Variants in THSD7B observed in about 807,000 individuals in gnomAD.
The protein encoded by THSD7B is thrombospondin type-1 domain-containing protein 7B.
THSD7B carries 138 observed loss-of-function variants against 213.6 expected under a neutral mutation model. The observed-to-expected ratio is 0.65, with a 90% CI of 0.56 to 0.74. The LOEUF (loss-of-function observed/expected upper bound fraction) is 0.74. Ranked by LOEUF, THSD7B falls within the 30% of genes least tolerant of loss-of-function variation. The pLI is 0.00. For missense variants in THSD7B, 1,931 were observed against 1,991.5 expected, an observed-to-expected ratio of 0.97 and a Z score of 0.58; for synonymous variants, 742 against 687.0, an observed-to-expected ratio of 1.08 and a Z score of -1.25.
intron 12 of THSD7B, among the ~76,000 whole-genome samples, chr2:137,391,908 T>C (rs1686036700): frequency 6.6e-6 from 1 of 152,186 alleles, no homozygotes; most frequent in South Asian, 2.1e-4. Flanking sequence ...TTAGCACTAC[T>C]TTTGCTGTAC....
At chr2:136,888,916 A>G (rs1455073266) in intron 2 of THSD7B, among the ~76,000 whole-genome samples, 2 of 150,250 alleles carry the variant, frequency 1.3e-5, no homozygotes, top group Non-Finnish European at 3.0e-5. Context: ...CCAGCACATT[A>G]AATAAAATAA....
intron 15 of THSD7B, among the ~76,000 whole-genome samples, chr2:137,452,914 T>C (rs1028074944): frequency 3.9e-5 from 6 of 152,184 alleles, no homozygotes; most frequent in African/African-American, 1.4e-4. Flanking sequence ...TAAATCAAAG[T>C]TCAAGAATAA....
intron 2 of THSD7B, among the ~76,000 whole-genome samples, chr2:136,981,141 G>A (rs1573747582): frequency 6.6e-6 from 1 of 152,140 alleles, no homozygotes; most frequent in Non-Finnish European, 1.5e-5. Flanking sequence ...AAGAGTGAAT[G>A]TAACTTTCTT....
intron 21 of THSD7B, among the ~76,000 whole-genome samples, chr2:137,649,550 C>T (rs1310422581): frequency 6.6e-6 from 1 of 152,174 alleles, no homozygotes; most frequent in African/African-American, 2.4e-5. Context: ...TTCCCCACTG[C>T]ATGTTCTTGG....
At chr2:136,788,417 A>G (rs1462060427) in intron 1 of THSD7B, among the ~76,000 whole-genome samples, 1 of 152,194 alleles carries the variant, frequency 6.6e-6, no homozygotes, top group Non-Finnish European at 1.5e-5. Context: ...AGTTATTCAA[A>G]TTGCAGTGCC....
chr2:137,383,660 G>A (rs1233312807), intron 12 of THSD7B, among the ~76,000 whole-genome samples: 1 of 152,146 alleles, frequency 6.6e-6, no homozygotes, highest in Admixed American at 6.5e-5. Flanking sequence ...AGCCACTATT[G>A]CCTGTAAAAT....
chr2:137,080,409 T>A (rs80305441), intron 3 of THSD7B, among the ~76,000 whole-genome samples: 12,824 of 146,654 alleles, frequency 0.087, 662 homozygotes, highest in East Asian at 0.17. Context: ...AGACAGGGTT[T>A]CACCATGTTG....
rs911641602 is a variant in THSD7B at position 136,809,458 on chromosome 2, G to A, written c.-36+43771G>A. Among the ~76,000 whole-genome samples, 4 of 152,154 alleles carry A rather than the reference G, an allele frequency of 2.6e-5. 1 individual carries two copies. In the South Asian group the frequency reaches 6.2e-4, roughly 24 times the overall value. ...TAGGAGCTTGGTCTTGTTGAAGTTG[G>A]TAGACTTCAACCAAATTTAATGTGC... is the stretch of plus-strand genomic sequence containing the variant. On this transcript the variant is annotated intron_variant, in intron 1 of 27. Transcript: ENST00000409968.
chr2:137,392,441 C>CAT (rs1419309868), intron 12 of THSD7B, among the ~76,000 whole-genome samples: 18 of 152,070 alleles, frequency 1.2e-4, no homozygotes, highest in African/African-American at 4.3e-4. Context: ...GTGTTGGGTA[C>CAT]ATATATATCT....
chr2:137,245,371 G>C (rs1445116401), intron 10 of THSD7B, among the ~76,000 whole-genome samples: 1 of 152,156 alleles, frequency 6.6e-6, no homozygotes, highest in Non-Finnish European at 1.5e-5. Context: ...CTGACACTGA[G>C]TAGGCACTGG....
intron 7 of THSD7B, among the ~76,000 whole-genome samples, chr2:137,171,167 T>C (rs950048192): frequency 1.3e-5 from 2 of 152,158 alleles, no homozygotes; most frequent in African/African-American, 4.8e-5. Context: ...TTAAATGCAA[T>C]ACAGCAAACC....
chr2:137,377,719 C>T, intron 12 of THSD7B, among the ~76,000 whole-genome samples: 1 of 151,878 alleles, frequency 6.6e-6, no homozygotes, highest in African/African-American at 2.4e-5. Context: ...CTCTGCCTCC[C>T]AGGTTCAAGC....
chr2:137,025,276 T>G (rs917347066), intron 2 of THSD7B, among the ~76,000 whole-genome samples: 1 of 152,128 alleles, frequency 6.6e-6, no homozygotes, highest in Non-Finnish European at 1.5e-5. Context: ...TGTGCCACGA[T>G]TTTGGCCCCA....
At chr2:136,800,994 G>C (rs1682168353) in intron 1 of THSD7B, among the ~76,000 whole-genome samples, 1 of 151,982 alleles carries the variant, frequency 6.6e-6, no homozygotes, top group Non-Finnish European at 1.5e-5. Context: ...AGACTTTCAT[G>C]ACTTTGCCAG....
intron 2 of THSD7B, among the ~76,000 whole-genome samples, chr2:137,048,236 A>G (rs1687003583): frequency 6.6e-6 from 1 of 152,236 alleles, no homozygotes; most frequent in South Asian, 2.1e-4. Flanking sequence ...TAAACTACTC[A>G]GTTACAATGT....
intron 2 of THSD7B, among the ~76,000 whole-genome samples, chr2:136,960,198 G>A (rs1685192507): frequency 1.3e-5 from 2 of 152,144 alleles, no homozygotes; most frequent in African/African-American, 4.8e-5. Context: ...CGTGATCATG[G>A]TTCACTGTGG....
chr2:137,363,928 A>G (rs113293339), intron 12 of THSD7B, among the ~76,000 whole-genome samples: 3 of 152,188 alleles, frequency 2.0e-5, no homozygotes, highest in African/African-American at 7.2e-5. Context: ...CCTGGCAGAG[A>G]CACAACAAAA....
intron 12 of THSD7B, among the ~76,000 whole-genome samples, chr2:137,314,691 G>C (rs1447794106): frequency 6.6e-6 from 1 of 152,132 alleles, no homozygotes; most frequent in African/African-American, 2.4e-5. Context: ...TTTTGGTGTG[G>C]ATGTCCTTTC....
At chr2:136,868,527 CAA>C (rs1235916045) in intron 1 of THSD7B, among the ~76,000 whole-genome samples, 5 of 152,118 alleles carry the variant, frequency 3.3e-5, no homozygotes, top group African/African-American at 4.8e-5. Context: ...CATAATTAAT[CAA>C]GAGAATGCAA....
Sources: allele counts gnomAD v4.1 joint callset (sites outside exome capture counted in the v4.1 genomes callset), GRCh38; gene constraint gnomAD v4.1.1; transcripts MANE v1.5; gene names NCBI Gene and HGNC (gene_info 2026-07-23, HGNC 2026-07-21).